The following OSTF1 variants were observed in gnomAD, a reference collection of about 807,000 sequenced individuals.
OSTF1 encodes osteoclast-stimulating factor 1.
Under a neutral mutation model 37.2 loss-of-function variants are expected in OSTF1, and 27 were observed. The observed-to-expected ratio is 0.73, with a 90% CI of 0.54 to 1.00. The LOEUF (loss-of-function observed/expected upper bound fraction) is 1.00. Among genes scored for constraint, OSTF1 ranks in the 50% least tolerant of loss-of-function variants. The pLI is 0.00. For synonymous variants in OSTF1, 82 were observed against 89.2 expected (o/e 0.92, Z 0.46); for missense variants, 232 against 253.8 (o/e 0.91, Z 0.58).
At chr9:75,130,466 A>G (rs948610767) in intron 3 of OSTF1, 112 bp from the exon 4 acceptor site, 43 of 727,444 alleles carry the variant, frequency 5.9e-5, no homozygotes, top group Non-Finnish European at 8.5e-5. Context: ...TAGTGTGGGT[A>G]GGGTTGATGG....
Position 75,140,878 on chromosome 9 carries a change from G to T in OSTF1, c.532G>T (p.Asp178Tyr). The T allele has an allele frequency of 6.2e-7, 1 of 1,613,802 alleles. No individual in the cohort carries two copies. Among genetic ancestry groups the T allele is most frequent in the Non-Finnish European group, 8.5e-7 (1 of 1,179,778 alleles). The change falls in exon 9 of 10, where the codon GAC (aspartate) becomes TAC (tyrosine). Residue 178 changes from aspartate (D) to tyrosine (Y), a missense_variant. By Grantham distance (160) the Asp-to-Tyr change is radical (BLOSUM62 -3). Transcript: ENST00000346234. ...LRNIEKKLAF[D>Y]MATNAACASL... is the part of the protein sequence containing the mutation. ...AAACATTGAGAAGAAGCTGGCCTTC[G>T]ACATGGCTACCAATGCTGCCTGTGC...
At chr9:75,097,022 T>G (rs1342682943) in intron 1 of OSTF1, among the ~76,000 whole-genome samples, 3 of 152,232 alleles carry the variant, frequency 2.0e-5, no homozygotes, top group African/African-American at 7.2e-5. Context: ...ATTTATCTGA[T>G]GCTAGCCCTG....
At chr9:75,125,260 G>A (rs911768290) in intron 2 of OSTF1, among the ~76,000 whole-genome samples, 7 of 152,118 alleles carry the variant, frequency 4.6e-5, no homozygotes, top group East Asian at 1.9e-4. Flanking sequence ...GCTGGCGTGC[G>A]GAGAGAATCA....
At chr9:75,103,314 A>G (rs1825227121) in intron 1 of OSTF1, among the ~76,000 whole-genome samples, 1 of 152,164 alleles carries the variant, frequency 6.6e-6, no homozygotes, top group African/African-American at 2.4e-5. Context: ...AATAAAATAC[A>G]GGTACCTTAT....
At chr9:75,093,303 G>C (rs563396346) in intron 1 of OSTF1, among the ~76,000 whole-genome samples, 1 of 152,120 alleles carries the variant, frequency 6.6e-6, no homozygotes, top group Non-Finnish European at 1.5e-5. Context: ...TTCAATTAGC[G>C]TGAATCTGTC....
At chr9:75,114,669 C>T (rs949645115) in intron 1 of OSTF1, among the ~76,000 whole-genome samples, 2 of 151,992 alleles carry the variant, frequency 1.3e-5, no homozygotes, top group African/African-American at 4.8e-5. Context: ...TCTCATGACA[C>T]CCACCTCTTG....
chr9:75,114,003 A>G (rs1825437681), intron 1 of OSTF1, among the ~76,000 whole-genome samples: 1 of 152,134 alleles, frequency 6.6e-6, no homozygotes, highest in Non-Finnish European at 1.5e-5. Context: ...TATGAGTTCA[A>G]CATTTTTAGA....
At chr9:75,141,457 T>TTTA (rs1825943292) in intron 9 of OSTF1, among the ~76,000 whole-genome samples, 1 of 152,084 alleles carries the variant, frequency 6.6e-6, no homozygotes, top group Non-Finnish European at 1.5e-5. Context: ...ATCTTTTACC[T>TTTA]TTATTGTGTG....
At chr9:75,125,363 A>C (rs573587514) in intron 2 of OSTF1, among the ~76,000 whole-genome samples, 1 of 152,324 alleles carries the variant, frequency 6.6e-6, no homozygotes, top group East Asian at 1.9e-4. Flanking sequence ...TATCTATCAC[A>C]TATTGGTAGT....
chr9:75,126,261 T>C (rs1191845511), intron 2 of OSTF1, among the ~76,000 whole-genome samples: 1 of 152,220 alleles, frequency 6.6e-6, no homozygotes, highest in Non-Finnish European at 1.5e-5. Context: ...TTATATGGAA[T>C]AGTAATTATA....
chr9:75,106,171 G>A (rs1207792306), intron 1 of OSTF1, among the ~76,000 whole-genome samples: 2 of 152,162 alleles, frequency 1.3e-5, no homozygotes, highest in Non-Finnish European at 2.9e-5. Flanking sequence ...AGTTGTTGCT[G>A]TTAGTTTTTT....
intron 5 of OSTF1, among the ~76,000 whole-genome samples, chr9:75,132,626 A>G (rs915193320): frequency 4.6e-5 from 7 of 152,160 alleles, no homozygotes; most frequent in Non-Finnish European, 7.4e-5. Flanking sequence ...TAAAGCCTCA[A>G]TGAGCTCCAT....
chr9:75,114,381 A>T (rs1825444749), intron 1 of OSTF1, among the ~76,000 whole-genome samples: 1 of 152,194 alleles, frequency 6.6e-6, no homozygotes. Context: ...AGGGAAATTA[A>T]CTAAAATAAT....
intron 3 of OSTF1, among the ~76,000 whole-genome samples, chr9:75,128,602 ATATAT>A (rs2118570869): frequency 9.3e-6 from 1 of 108,074 alleles, no homozygotes; most frequent in African/African-American, 3.4e-5. Context: ...ATATATATAT[ATATAT>A]TTTGTCCATA....
intron 1 of OSTF1, among the ~76,000 whole-genome samples, chr9:75,089,239 C>T (rs79651981): frequency 1.3e-5 from 2 of 150,786 alleles, no homozygotes; most frequent in Admixed American, 1.3e-4. Context: ...AAATTGACCT[C>T]GGGATCTTGG....
intron 2 of OSTF1, among the ~76,000 whole-genome samples, chr9:75,124,429 T>C (rs1825630707): frequency 6.6e-6 from 1 of 152,206 alleles, no homozygotes; most frequent in South Asian, 2.1e-4. Flanking sequence ...GTTTGCCCAT[T>C]ACCCTTCCCA....
intron 3 of OSTF1, 124 bp from the exon 4 acceptor site, chr9:75,130,454 G>A: frequency 1.5e-6 from 1 of 671,928 alleles, no homozygotes; most frequent in Non-Finnish European, 2.8e-6. Flanking sequence ...GAGGAAGCTT[G>A]ATAGTGTGGG....
Position 75,113,579 on chromosome 9 carries a change from A to G in OSTF1, c.35-3925A>G, listed in dbSNP as rs1413524872. Among the ~76,000 whole-genome samples the G allele has an allele frequency of 3.9e-5, 6 of 151,916 alleles. No homozygotes were observed. The East Asian group carries it at 1.2e-3, about 29-fold the overall frequency. On this transcript the variant is annotated intron_variant, in intron 1 of 9. Transcript: ENST00000346234. ...TCCTCCCACCTCAGCCTCCCCAGTA[A>G]CTGGTACTACAAGTGCATGTCATCA...
At chr9:75,121,724 C>T (rs543921162) in intron 2 of OSTF1, among the ~76,000 whole-genome samples, 1 of 152,216 alleles carries the variant, frequency 6.6e-6, no homozygotes, top group Non-Finnish European at 1.5e-5. Flanking sequence ...TTTGGTCTCT[C>T]TCTCTCCCCT....
Sources: allele counts gnomAD v4.1 joint callset (sites outside exome capture counted in the v4.1 genomes callset), GRCh38; gene constraint gnomAD v4.1.1; transcripts MANE v1.5; gene names NCBI Gene and HGNC (gene_info 2026-07-23, HGNC 2026-07-21).